SLC3A2: variants seen among roughly 807,000 people sequenced by gnomAD.
SLC3A2 encodes the protein amino acid transporter heavy chain SLC3A2.
SLC3A2 carries 32 observed loss-of-function variants against 48.5 expected under a neutral mutation model. The ratio of observed to expected loss-of-function variants is 0.66; its 90% CI spans 0.50 to 0.89. SLC3A2 has a LOEUF of 0.89. Among genes scored for constraint, SLC3A2 ranks in the 40% least tolerant of loss-of-function variants. The pLI is 0.00. For synonymous variants in SLC3A2, 277 were observed against 288.8 expected (o/e 0.96, Z 0.41); for missense variants, 587 against 680.7 (o/e 0.86, Z 1.53).
intron 1 of SLC3A2, among the ~76,000 whole-genome samples, chr11:62,863,066 C>T (rs1337461224): frequency 2.0e-5 from 3 of 152,200 alleles, no homozygotes; most frequent in African/African-American, 4.8e-5. Context: ...GGATTACAGG[C>T]GCTGCAACCA....
At chr11:62,883,910 C>T in intron 3 of SLC3A2, 2 of 452,452 alleles carry the variant, frequency 4.4e-6, no homozygotes, top group Non-Finnish European at 8.9e-6. Flanking sequence ...ATCTAAACTG[C>T]CCTGGGGCTA....
At chr11:62,866,078 T>C (rs1377203503) in intron 1 of SLC3A2, among the ~76,000 whole-genome samples, 2 of 152,054 alleles carry the variant, frequency 1.3e-5, no homozygotes, top group African/African-American at 2.4e-5. Flanking sequence ...TAGTACAGTA[T>C]AGTACGTATA....
chr11:62,882,091 A>C (rs758173126), intron 2 of SLC3A2, 25 bp downstream of exon 2: 2 of 1,613,660 alleles, frequency 1.2e-6, no homozygotes, highest in Non-Finnish European at 1.7e-6. Context: ...GTTCCCAAGG[A>C]AACAGCTAGA....
chr11:62,860,125 T>G (rs1182504177), intron 1 of SLC3A2, among the ~76,000 whole-genome samples: 1 of 152,208 alleles, frequency 6.6e-6, no homozygotes, highest in Middle Eastern at 3.4e-3. Flanking sequence ...GTGTCATAAA[T>G]AAGTTTAAGG....
intron 2 of SLC3A2, 35 bp from the exon 3 acceptor site, chr11:62,882,861 TTAACTCATAGAC>T: frequency 1.4e-6 from 2 of 1,446,306 alleles, no homozygotes; most frequent in Non-Finnish European, 9.7e-7. Flanking sequence ...TTATTTTCCC[TTAACTCATAGAC>T]TGTCTCATGA....
chr11:62,886,293 A>T (rs2085712728), intron 7 of SLC3A2: 1 of 151,900 alleles, frequency 6.6e-6, no homozygotes. Flanking sequence ...CTTCTCCAAA[A>T]AAAAAAAGAA....
rs1036378346 is a variant in SLC3A2 at position 62,881,728 on chromosome 11, A to C, written c.425-165A>C. 9.3e-6 allele frequency: 8 copies of C among 861,684 alleles called. No homozygotes were observed. The highest frequency in any genetic ancestry group is 1.4e-5 in the Non-Finnish European group (8 of 570,974). 53.4% of individuals were successfully genotyped at this position (861,684 alleles called of 1,614,324 possible). A position where few individuals can be genotyped will look rare whatever the true frequency, so the allele number is the denominator to read the frequency against. On this transcript the variant is annotated intron_variant, in intron 1 of 8. Coordinates refer to ENST00000338663, the MANE Select transcript of SLC3A2 (RefSeq NM_001013251.3). The surrounding 1 kb of genome is among the most constrained non-coding windows in gnomAD (Gnocchi z 4.0). ...GCAACCGGTTTCTGAAGTAATGTGC[A>C]GGACTCCTTACATCAGCTCCTCTGA...
In SLC3A2 at chr11:62,881,115, C is replaced by G. The variant is rs374048827; in HGVS notation, c.92C>G (p.Ala31Gly). 1 of 1,608,614 alleles carries G rather than the reference C, an allele frequency of 6.2e-7. No homozygotes were observed. The highest frequency in any genetic ancestry group is 1.1e-5 in the South Asian group (1 of 89,804). Reference sequence around the variant, plus strand: ...CCGATGAACGCGGCGTCTGGGGCGGCCATGTCCCTGGCGGGAGCCGAGAAG... The same window carrying G: ...CCGATGAACGCGGCGTCTGGGGCGGGCATGTCCCTGGCGGGAGCCGAGAAG... The part of the protein sequence containing the change: ...KQPMNAASGA[A>G]MSLAGAEKNG... The change falls in exon 1 of 9, where the codon GCC becomes GGC. Residue 31 changes from alanine (A) to glycine (G), a missense_variant. By Grantham distance (60) the Ala-to-Gly change is moderately conservative. This residue lies in a region of SLC3A2 where 409 missense variants were observed against 446.7 expected (regional missense o/e 0.92). Transcript: ENST00000338663. This position sits in a 1 kb window ranked among gnomAD's most constrained non-coding sequence, Gnocchi z 4.0.
rs766278990 is a variant in SLC3A2 at position 62,881,077 on chromosome 11, G to T, written c.54G>T (p.Glu18Asp). The change falls in exon 1 of 9, where the codon GAG (glutamate) becomes GAT (aspartate). Residue 18 changes from glutamate to aspartate, a missense_variant. This residue lies in a region of SLC3A2 where 409 missense variants were observed against 446.7 expected (regional missense o/e 0.92). Coordinates refer to ENST00000338663, the MANE Select transcript of SLC3A2 (RefSeq NM_001013251.3). The surrounding 1 kb of genome is among the most constrained non-coding windows in gnomAD (Gnocchi z 4.0). Reference sequence around the variant, plus strand: ...AGGAGGTGGAGCTGAATGAGTTAGAGCCCGAGAAGCAGCCGATGAACGCGG... The same window carrying T: ...AGGAGGTGGAGCTGAATGAGTTAGATCCCGAGAAGCAGCCGATGAACGCGG... ...DMKEVELNEL[E>D]PEKQPMNAAS... 12 of 1,607,980 alleles carry T rather than the reference G, an allele frequency of 7.5e-6. No homozygotes were observed. The highest frequency in any genetic ancestry group is 1.0e-5 in the Non-Finnish European group (12 of 1,177,114).
chr11:62,875,837 G>A (rs1451682370), intron 1 of SLC3A2, among the ~76,000 whole-genome samples: 1 of 152,200 alleles, frequency 6.6e-6, no homozygotes, highest in African/African-American at 2.4e-5. Context: ...AAAGTGCTGG[G>A]ATTGCAGGCA....
At chr11:62,879,890 T>C (rs570024475), upstream of SLC3A2, among the ~76,000 whole-genome samples, 2 of 152,328 alleles carry the variant, frequency 1.3e-5, no homozygotes, top group African/African-American at 4.8e-5. Context: ...AATTCTAGGC[T>C]TCTTCAAAGC....
chr11:62,882,056 TA>T lies in SLC3A2; in HGVS notation c.596del (p.Lys199ArgfsTer31), dbSNP rs760089491. On this transcript the variant is annotated frameshift_variant, in exon 2 of 9. Coordinates refer to ENST00000338663, the MANE Select transcript of SLC3A2 (RefSeq NM_001013251.3). LOFTEE classifies it high-confidence loss of function. ...ATTTTGACAGTCTCTTGCAATCGGC[TA>T]AAAAAAAGAGTGGGTATCCTGGGGT... The part of the protein sequence containing the change: ...EDFDSLLQSA[K>X]KKSIRVILDL... The T allele has an allele frequency of 6.2e-7, 1 of 1,613,210 alleles. No individual in the cohort carries two copies. Among genetic ancestry groups the T allele is most frequent in the Non-Finnish European group, 8.5e-7 (1 of 1,179,620 alleles).
At position 62,888,389 on chromosome 11, in the gene SLC3A2, G is replaced by A. The variant is rs1012832894; in HGVS notation, c.1286G>A (p.Arg429Gln). 3.7e-6 allele frequency: 6 copies of A among 1,614,208 alleles called. No individual in the cohort carries two copies. Among genetic ancestry groups the A allele is most frequent in the Non-Finnish European group, 4.2e-6 (5 of 1,180,028 alleles). Reference protein sequence around the residue: ...LSLFRRLSDQRSKERSLLHGD... With the variant: ...LSLFRRLSDQQSKERSLLHGD... ...TTGTTCCGGCGGCTGAGTGACCAGC[G>A]GAGTAAGGAGCGCTCCCTACTGCAT... is the stretch of plus-strand genomic sequence containing the variant. The change falls in exon 9 of 9, where the codon CGG (arginine) becomes CAG (glutamine). Residue 429 changes from arginine (R) to glutamine (Q), a missense_variant. Around this residue, in one of 3 missense-constraint regions of SLC3A2, gnomAD observed 169 missense variants for 204.4 expected, o/e 0.83. Transcript: ENST00000338663.
intron 1 of SLC3A2, among the ~76,000 whole-genome samples, chr11:62,858,629 C>T (rs1046955822): frequency 1.3e-5 from 2 of 152,042 alleles, no homozygotes; most frequent in East Asian, 1.9e-4. Flanking sequence ...TAAGGGGACC[C>T]GGGGAACCAG....
upstream of SLC3A2, among the ~76,000 whole-genome samples, chr11:62,877,667 G>A (rs913979743): frequency 2.6e-5 from 4 of 152,246 alleles, no homozygotes; most frequent in Non-Finnish European, 5.9e-5. Flanking sequence ...TCATGAGGTT[G>A]AGTGGACAAA....
In SLC3A2 at chr11:62,885,183, G is replaced by C. The variant is rs145344129; in HGVS notation, c.825G>C (p.Leu275Phe). The change falls in exon 6 of 9, where the codon TTG becomes TTC. Residue 275 changes from leucine to phenylalanine, a missense_variant. Leu to Phe is a conservative substitution (Grantham distance 22). Transcript: ENST00000338663. ...ITKGFSEDRL[L>F]IAGTNSSDLQ... is the part of the protein sequence containing the mutation. ...TCCTCCCTCCCCTCTGCAGGCTCTT[G>C]ATTGCGGGGACTAACTCCTCCGACC... 6.2e-7 allele frequency: 1 copy of C among 1,614,008 alleles called. No individual in the cohort carries two copies. Among genetic ancestry groups the C allele is most frequent in the Admixed American group, 1.7e-5 (1 of 60,000 alleles).
At chr11:62,865,822 T>G (rs921430485) in intron 1 of SLC3A2, among the ~76,000 whole-genome samples, 1 of 152,250 alleles carries the variant, frequency 6.6e-6, no homozygotes, top group African/African-American at 2.4e-5. Flanking sequence ...GGTAGTTGCA[T>G]ATTTCTGGCT....
intron 7 of SLC3A2, among the ~76,000 whole-genome samples, chr11:62,886,190 T>A (rs770289431): frequency 6.6e-6 from 1 of 151,900 alleles, no homozygotes; most frequent in Non-Finnish European, 1.5e-5. Context: ...CTGGGGAGGC[T>A]GAGGCAAGAG....
At chr11:62,867,854 C>A (rs2085469961) in intron 1 of SLC3A2, among the ~76,000 whole-genome samples, 1 of 151,824 alleles carries the variant, frequency 6.6e-6, no homozygotes, top group Non-Finnish European at 1.5e-5. Context: ...CAAATTTAGT[C>A]ATTTCTAGTA....
Sources: allele counts gnomAD v4.1 joint callset (sites outside exome capture counted in the v4.1 genomes callset), GRCh38; gene constraint gnomAD v4.1.1; regional missense constraint gnomAD v4.1.1; non-coding constraint Gnocchi (gnomAD v3.1); transcripts MANE v1.5; gene names NCBI Gene and HGNC (gene_info 2026-07-23, HGNC 2026-07-21).